The following POLR3G variants were observed in gnomAD, a reference collection of about 807,000 sequenced individuals.
POLR3G encodes DNA-directed RNA polymerase III subunit RPC7.
POLR3G carries 28 observed loss-of-function variants against 30.1 expected under a neutral mutation model. The observed-to-expected ratio is 0.93, with a 90% CI of 0.69 to 1.27. The LOEUF is 1.27. POLR3G is among the 50% of genes most tolerant of loss of function. The probability of loss-of-function intolerance (pLI) is 0.00; values close to 1 mark genes in which losing one functional copy is unlikely to be tolerated. For synonymous variants in POLR3G, 79 were observed against 82.5 expected, an observed-to-expected ratio of 0.96 and a Z score of 0.23; for missense variants, 254 against 264.6, an observed-to-expected ratio of 0.96 and a Z score of 0.28.
At chr5:90,510,513 T>G (rs968464810) in intron 7 of POLR3G, among the ~76,000 whole-genome samples, 3 of 152,232 alleles carry the variant, frequency 2.0e-5, no homozygotes, top group Admixed American at 6.5e-5. Flanking sequence ...TATCCCTTCC[T>G]TATTCATCTC....
chr5:90,483,487 G>T (rs1751252408), intron 1 of POLR3G, among the ~76,000 whole-genome samples: 1 of 152,172 alleles, frequency 6.6e-6, no homozygotes. Context: ...AATGTAGAAG[G>T]ACATTAAAAT....
At chr5:90,478,586 T>TTTTTTTTTTTTTTTTA (rs70999487) in intron 1 of POLR3G, among the ~76,000 whole-genome samples, 3 of 146,924 alleles carry the variant, frequency 2.0e-5, no homozygotes, top group Non-Finnish European at 3.0e-5. Context: ...TTTTTTTTTT[T>TTTTTTTTTTTTTTTTA]GAGAGGGAGC....
chr5:90,479,066 T>C (rs1750992232), intron 1 of POLR3G, among the ~76,000 whole-genome samples: 1 of 152,118 alleles, frequency 6.6e-6, no homozygotes, highest in South Asian at 2.1e-4. Flanking sequence ...GTAGATTTGC[T>C]CATCAAATCA....
intron 5 of POLR3G, among the ~76,000 whole-genome samples, chr5:90,501,473 T>A (rs989363237): frequency 5.9e-5 from 9 of 152,178 alleles, no homozygotes; most frequent in Non-Finnish European, 8.8e-5. Flanking sequence ...GCACTTCCTT[T>A]TTATTTTACA....
At chr5:90,494,391 G>T (rs1167645030) in intron 3 of POLR3G, among the ~76,000 whole-genome samples, 1 of 152,132 alleles carries the variant, frequency 6.6e-6, no homozygotes, top group South Asian at 2.1e-4. Flanking sequence ...TTTATGTGAA[G>T]ACATGTTTTC....
At chr5:90,487,541 G>A (rs1368364482) in intron 2 of POLR3G, among the ~76,000 whole-genome samples, 1 of 151,464 alleles carries the variant, frequency 6.6e-6, no homozygotes, top group Non-Finnish European at 1.5e-5. Flanking sequence ...ACAGGTGCCC[G>A]CCACCATGCC....
intron 1 of POLR3G, among the ~76,000 whole-genome samples, chr5:90,476,674 T>C (rs548457750): frequency 1.1e-4 from 17 of 152,236 alleles, no homozygotes; most frequent in Non-Finnish European, 2.2e-4. Flanking sequence ...TCGTTAGTAA[T>C]GGGGACATAA....
intron 4 of POLR3G, among the ~76,000 whole-genome samples, chr5:90,496,057 C>T (rs1052910499): frequency 2.9e-4 from 44 of 151,976 alleles, no homozygotes; most frequent in African/African-American, 1.0e-3. Context: ...TTGCAAGCTC[C>T]ACCTCCAGGG....
chr5:90,499,285 T>C (rs1373358011), intron 5 of POLR3G, among the ~76,000 whole-genome samples: 1 of 151,914 alleles, frequency 6.6e-6, no homozygotes, highest in Admixed American at 6.6e-5. Flanking sequence ...GGAGATTGAA[T>C]GGCAAAGAAG....
At chr5:90,494,041 T>C (rs1318913583) in intron 3 of POLR3G, among the ~76,000 whole-genome samples, 1 of 152,086 alleles carries the variant, frequency 6.6e-6, no homozygotes, top group African/African-American at 2.4e-5. Flanking sequence ...CTTTTCATCA[T>C]CTAGAAAAGA....
At chr5:90,510,132 C>T (rs1752669606) in intron 7 of POLR3G, among the ~76,000 whole-genome samples, 1 of 152,100 alleles carries the variant, frequency 6.6e-6, no homozygotes, top group African/African-American at 2.4e-5. Flanking sequence ...CTGGCATTTG[C>T]AATGCTCTGT....
intron 6 of POLR3G, among the ~76,000 whole-genome samples, chr5:90,504,373 A>G (rs960049166): frequency 1.7e-4 from 26 of 150,992 alleles, no homozygotes; most frequent in African/African-American, 6.2e-4. Flanking sequence ...ATCCTGGCTA[A>G]CACAGTGAAA....
chr5:90,476,754 G>T (rs1750846761), intron 1 of POLR3G, among the ~76,000 whole-genome samples: 1 of 152,132 alleles, frequency 6.6e-6, no homozygotes, highest in Non-Finnish European at 1.5e-5. Context: ...ACATCTCACT[G>T]GATATCCTTT....
intron 3 of POLR3G, among the ~76,000 whole-genome samples, chr5:90,488,933 C>T (rs560954051): frequency 6.6e-6 from 1 of 152,230 alleles, no homozygotes; most frequent in East Asian, 1.9e-4. Context: ...CACAGCAGTA[C>T]TATATTGATT....
chr5:90,501,935 G>T lies in POLR3G; in HGVS notation c.385G>T (p.Ala129Ser). Residue 129 changes from alanine to serine, a missense_variant, in exon 6 of 8, where the codon GCA (alanine) becomes TCA (serine). Physicochemically the swap from Ala to Ser is moderately conservative, Grantham distance 99 (BLOSUM62 1). Coordinates refer to ENST00000651687, the MANE Select transcript of POLR3G (RefSeq NM_006467.3). Reference sequence around the variant, plus strand: ...CCCAAAACCCAAAAAGGCAAAAGACGCAGGCAAAGGCACACCACTCACTAA... The same window carrying T: ...CCCAAAACCCAAAAAGGCAAAAGACTCAGGCAAAGGCACACCACTCACTAA... ...AGPKPKKAKD[A>S]GKGTPLTNTE... 1.2e-6 allele frequency: 2 copies of T among 1,613,318 alleles called. No homozygotes were observed. The highest frequency in any genetic ancestry group is 8.5e-7 in the Non-Finnish European group (1 of 1,179,600).
In POLR3G at chr5:90,512,053, GA is replaced by G; in HGVS notation, c.590del (p.Asn197MetfsTer38). 1 of 1,586,002 alleles carries G rather than the reference GA, an allele frequency of 6.3e-7. No individual in the cohort carries two copies. Among genetic ancestry groups the G allele is most frequent in the Non-Finnish European group, 8.7e-7 (1 of 1,154,974 alleles). On this transcript the variant is annotated frameshift_variant and splice_region_variant, in exon 8 of 8. Coordinates refer to ENST00000651687, the MANE Select transcript of POLR3G (RefSeq NM_006467.3). LOFTEE classifies it high-confidence loss of function. The part of the protein sequence containing the change: ...EEYDEEEQEE[E>X]NDYINSYFED... ...CAAAGGAATATATCATTTCACTTAG[GA>G]AAATGACTACATTAATTCATACTTT...
chr5:90,511,450 G>A (rs544211729), intron 7 of POLR3G, among the ~76,000 whole-genome samples: 5 of 152,038 alleles, frequency 3.3e-5, no homozygotes, highest in African/African-American at 7.2e-5. Context: ...CTGGAGGCCC[G>A]GAAAAATAAA....
At chr5:90,485,452 G>A (rs1751389507) in intron 1 of POLR3G, 73 bp from the exon 2 acceptor site, 2 of 712,112 alleles carry the variant, frequency 2.8e-6, no homozygotes, top group Non-Finnish European at 2.4e-6. Context: ...CTTAAGGGGT[G>A]CAGTTTTATA....
rs1274551176 is a variant in POLR3G, at chr5:90,512,786, T to G, written c.*647T>G. ...AGAAACTTTCACATGGGGTGAATAT[T>G]ATAATACTTGAATTTGAGACTTAAT... On this transcript the variant is annotated 3_prime_UTR_variant, in exon 8 of 8. Transcript: ENST00000651687. The G allele has an allele frequency of 6.6e-6, 1 of 152,416 alleles. No individual in the cohort carries two copies. Among genetic ancestry groups the G allele is most frequent in the East Asian group, 1.9e-4 (1 of 5,206 alleles). 9.4% of individuals were successfully genotyped at this position (152,416 alleles called of 1,614,324 possible).
Sources: allele counts gnomAD v4.1 joint callset (sites outside exome capture counted in the v4.1 genomes callset), GRCh38; gene constraint gnomAD v4.1.1; transcripts MANE v1.5; gene names NCBI Gene and HGNC (gene_info 2026-07-23, HGNC 2026-07-21).